Variants in C6 observed in about 807,000 individuals in gnomAD.
C6 encodes the protein complement component C6.
Under a neutral mutation model 112.9 loss-of-function variants are expected in C6, and 101 were observed. The observed-to-expected ratio is 0.89, with a 90% confidence interval of 0.76 to 1.06. C6 has a LOEUF of 1.06. C6 is among the 50% of genes least tolerant of loss of function. C6 has a pLI of 0.00. For missense variants in C6, 1,202 were observed against 1,104.6 expected (o/e 1.09, Z -1.25); for synonymous variants, 431 against 384.1 (o/e 1.12, Z -1.43).
At chr5:41,210,668 C>T (rs1751842904) in intron 1 of C6, among the ~76,000 whole-genome samples, 1 of 152,104 alleles carries the variant, frequency 6.6e-6, no homozygotes, top group South Asian at 2.1e-4. Context: ...CAGAGAAATG[C>T]AGATCAAAAC....
intron 4 of C6, among the ~76,000 whole-genome samples, chr5:41,198,353 A>C (rs1233110568): frequency 6.6e-6 from 1 of 152,174 alleles, no homozygotes. Context: ...AGAGCAAAAC[A>C]GTATACCATC....
In C6 at chr5:41,155,089, A is replaced by T; in HGVS notation, c.1984T>A (p.Tyr662Asn). 1.2e-6 allele frequency: 2 copies of T among 1,613,550 alleles called. No individual in the cohort carries two copies. The highest frequency in any genetic ancestry group is 1.7e-6 in the Non-Finnish European group (2 of 1,179,584). Reference sequence around the variant, plus strand: ...ATTTCAACATCTTCTCCAACCAAGTATAGTTGCTTTTCATTCTTAATTAAA... The same window carrying T: ...ATTTCAACATCTTCTCCAACCAAGTTTAGTTGCTTTTCATTCTTAATTAAA... ...NGFIRNEKQL[Y>N]LVGEDVEISC... Residue 662 changes from tyrosine (Y) to asparagine (N), a missense_variant, in exon 14 of 18, where the codon TAC (tyrosine) becomes AAC (asparagine). Physicochemically the swap from Tyr to Asn is moderately radical, Grantham distance 143 (BLOSUM62 -2). Transcript: ENST00000337836.
chr5:41,226,191 G>T (rs1465485024), intron 1 of C6, among the ~76,000 whole-genome samples: 1 of 152,074 alleles, frequency 6.6e-6, no homozygotes, highest in African/African-American at 2.4e-5. Context: ...GGAAATTTTT[G>T]CAATCTACTC....
chr5:41,155,636 G>A (rs1021125958), intron 13 of C6, among the ~76,000 whole-genome samples: 3 of 152,158 alleles, frequency 2.0e-5, no homozygotes, highest in Non-Finnish European at 2.9e-5. Context: ...GGCTGAAGTG[G>A]GAGGATTGCT....
At chr5:41,148,092 G>T (rs1275729883) in intron 17 of C6, among the ~76,000 whole-genome samples, 1 of 152,142 alleles carries the variant, frequency 6.6e-6, no homozygotes, top group Non-Finnish European at 1.5e-5. Context: ...ACCTAGAAAT[G>T]TCCCTTTCTA....
chr5:41,164,338 T>A (rs1747799628), intron 9 of C6, among the ~76,000 whole-genome samples: 1 of 152,032 alleles, frequency 6.6e-6, no homozygotes, highest in Admixed American at 6.6e-5. Context: ...ATTAGGGAGA[T>A]CATGGCCCTA....
chr5:41,255,129 AG>A lies in C6; in HGVS notation c.-21+6064del, dbSNP rs1279975987. Reference sequence around the variant, plus strand: ...GTAATTCCAGCACTTTGGGAGGCCAAGGTGGGCAGATCACTTGAGGCAGGAG... The same window carrying A: ...GTAATTCCAGCACTTTGGGAGGCCAAGTGGGCAGATCACTTGAGGCAGGAG... On this transcript the variant is annotated intron_variant, in intron 1 of 17. Transcript: ENST00000263413. Among the ~76,000 whole-genome samples the A allele has an allele frequency of 5.9e-5, 9 of 152,274 alleles. No homozygotes were observed. In the Middle Eastern group the frequency reaches 0.01, roughly 173 times the overall value.
chr5:41,203,437 G>T, intron 1 of C6, 187 bp from the exon 2 acceptor site: 1 of 568,298 alleles, frequency 1.8e-6, no homozygotes, highest in Non-Finnish European at 3.1e-6. Flanking sequence ...AAGATTTTTA[G>T]GGTGGAGATT....
chr5:41,170,314 T>C (rs1748319800), intron 9 of C6, among the ~76,000 whole-genome samples: 1 of 151,918 alleles, frequency 6.6e-6, no homozygotes, highest in African/African-American at 2.4e-5. Context: ...TTTAAAGAAT[T>C]ATATTTTGTC....
chr5:41,247,591 G>A (rs1403657522), intron 1 of C6, among the ~76,000 whole-genome samples: 7 of 151,564 alleles, frequency 4.6e-5, no homozygotes, highest in South Asian at 2.1e-4. Flanking sequence ...TGTGGCGGGC[G>A]CCTGTAGTCC....
chr5:41,249,891 AG>A (rs1458217216), intron 1 of C6, among the ~76,000 whole-genome samples: 22 of 149,340 alleles, frequency 1.5e-4, no homozygotes, highest in African/African-American at 4.9e-4. Flanking sequence ...AATGTGTTTC[AG>A]AGTCATGTTT....
At chr5:41,182,225 C>T (rs1749410691) in intron 6 of C6, among the ~76,000 whole-genome samples, 2 of 150,874 alleles carry the variant, frequency 1.3e-5, no homozygotes, top group Non-Finnish European at 2.9e-5. Context: ...GTATCTGTCA[C>T]TTTAAGAGTT....
intron 1 of C6, among the ~76,000 whole-genome samples, chr5:41,204,335 A>T (rs931570939): frequency 3.9e-5 from 6 of 152,216 alleles, no homozygotes; most frequent in Admixed American, 1.3e-4. Context: ...ATCACTTAAT[A>T]AATACTAGCT....
chr5:41,194,209 A>G (rs1580161165), intron 5 of C6, among the ~76,000 whole-genome samples: 1 of 152,212 alleles, frequency 6.6e-6, no homozygotes, highest in Admixed American at 6.5e-5. Flanking sequence ...ATTTCTGCAC[A>G]TGGATAAGAA....
intron 9 of C6, among the ~76,000 whole-genome samples, chr5:41,169,720 T>A (rs1362977648): frequency 6.6e-6 from 1 of 151,992 alleles, no homozygotes; most frequent in Non-Finnish European, 1.5e-5. Flanking sequence ...TGCTGCATAC[T>A]TTTAAACAAC....
At chr5:41,221,374 T>C (rs1739156518) in intron 1 of C6, among the ~76,000 whole-genome samples, 1 of 152,228 alleles carries the variant, frequency 6.6e-6, no homozygotes, top group Non-Finnish European at 1.5e-5. Context: ...TCTCAGTTAT[T>C]ACAATGGTGT....
intron 13 of C6, among the ~76,000 whole-genome samples, chr5:41,157,032 G>A (rs1160083602): frequency 1.3e-5 from 2 of 152,098 alleles, no homozygotes; most frequent in African/African-American, 4.8e-5. Context: ...CTCTAGCCTG[G>A]AATTAGGCAT....
chr5:41,213,891 T>C (rs1419598675), upstream of C6, among the ~76,000 whole-genome samples: 2 of 152,144 alleles, frequency 1.3e-5, no homozygotes, highest in East Asian at 3.8e-4. Context: ...AACATTAGAA[T>C]TAATAAATGA....
chr5:41,196,206 G>T (rs191801487), intron 4 of C6, among the ~76,000 whole-genome samples: 2 of 151,724 alleles, frequency 1.3e-5, no homozygotes, highest in African/African-American at 4.8e-5. Context: ...ACAGTGAGCC[G>T]CTATAGAGAT....
Sources: gnomAD v4.1 joint callset for allele counts (sites outside exome capture counted in the v4.1 genomes callset) on GRCh38, gnomAD v4.1.1 for gene constraint, MANE v1.5 for transcripts, NCBI Gene and HGNC (gene_info 2026-07-23, HGNC 2026-07-21) for gene names.